HDX: variants seen among roughly 807,000 people sequenced by gnomAD.
HDX encodes highly divergent homeobox.
HDX carries 19 observed loss-of-function variants against 45.2 expected under a neutral mutation model. The observed-to-expected ratio is 0.42, with a 90% CI of 0.29 to 0.62. The LOEUF is 0.62. Ranked by LOEUF, HDX falls within the 20% of genes least tolerant of loss-of-function variation. HDX has a pLI of 0.20. For missense variants in HDX, 532 were observed against 493.9 expected (o/e 1.08, Z -0.73); for synonymous variants, 188 against 172.8 (o/e 1.09, Z -0.69).
intron 5 of HDX, among the ~76,000 whole-genome samples, chrX:84,378,220 C>T (rs1031500377): frequency 1.8e-5 from 2 of 111,631 alleles, no homozygotes; most frequent in African/African-American, 6.5e-5. Flanking sequence ...CTGAGGGTTT[C>T]ATTAACGCGA....
chrX:84,495,396 G>A (rs2040979885), intron 1 of HDX, among the ~76,000 whole-genome samples: 1 of 111,172 alleles, frequency 9.0e-6, no homozygotes, highest in South Asian at 3.7e-4. Flanking sequence ...TTTGTTATTA[G>A]CTTGATTTAG....
chrX:84,390,642 T>A (rs2038419538), intron 5 of HDX, among the ~76,000 whole-genome samples: 1 of 112,111 alleles, frequency 8.9e-6, no homozygotes. Context: ...AATATTCAGC[T>A]GTCATTATTC....
chrX:84,366,210 T>A (rs926061005), intron 5 of HDX, among the ~76,000 whole-genome samples: 1 of 111,403 alleles, frequency 9.0e-6, no homozygotes, highest in Admixed American at 9.5e-5. Flanking sequence ...GAGACCCAAA[T>A]CATGAGTGAA....
intron 9 of HDX, among the ~76,000 whole-genome samples, chrX:84,327,775 A>T (rs1302237279): frequency 9.0e-6 from 1 of 110,977 alleles, no homozygotes; most frequent in Admixed American, 9.6e-5. Context: ...ATGGAACTTT[A>T]AAAAAAAGAA....
At chrX:84,403,159 T>C (rs2038743814) in intron 5 of HDX, among the ~76,000 whole-genome samples, 2 of 111,198 alleles carry the variant, frequency 1.8e-5, no homozygotes, top group Non-Finnish European at 3.8e-5. Flanking sequence ...TAGAATATAG[T>C]ATATACTATT....
intron 7 of HDX, among the ~76,000 whole-genome samples, chrX:84,342,950 G>A (rs1380377780): frequency 1.8e-5 from 2 of 111,508 alleles, no homozygotes; most frequent in African/African-American, 6.5e-5. Context: ...TCTAAACAGA[G>A]TTCAATGAAA....
At chrX:84,434,074 G>C (rs754103642) in intron 5 of HDX, among the ~76,000 whole-genome samples, 1 of 111,244 alleles carries the variant, frequency 9.0e-6, no homozygotes, top group Non-Finnish European at 1.9e-5. Flanking sequence ...AGTTTTAAGA[G>C]TTTTGTGTTT....
chrX:84,495,125 T>C (rs769921918), intron 1 of HDX, among the ~76,000 whole-genome samples: 38 of 108,977 alleles, frequency 3.5e-4, no homozygotes, highest in Non-Finnish European at 6.9e-4. Context: ...ATCTCACATA[T>C]GTGGAATCTA....
At chrX:84,486,785 T>TCAA in intron 2 of HDX, among the ~76,000 whole-genome samples, 1 of 111,258 alleles carries the variant, frequency 9.0e-6, no homozygotes, top group East Asian at 2.8e-4. Context: ...CCTTTGGCTT[T>TCAA]CAACAGTTTG....
At chrX:84,349,537 AT>A (rs2037287770) in intron 6 of HDX, among the ~76,000 whole-genome samples, 13 of 97,666 alleles carry the variant, frequency 1.3e-4, no homozygotes, top group African/African-American at 4.9e-4. Context: ...ATATATATAT[AT>A]ACACACATAC....
At chrX:84,447,933 T>A (rs867050970) in intron 4 of HDX, among the ~76,000 whole-genome samples, 2 of 110,992 alleles carry the variant, frequency 1.8e-5, no homozygotes, top group Non-Finnish European at 3.8e-5. Context: ...AATCTCACCC[T>A]CCCCAGTAGC....
At chrX:84,418,067 A>G (rs2039156463) in intron 5 of HDX, among the ~76,000 whole-genome samples, 1 of 112,090 alleles carries the variant, frequency 8.9e-6, no homozygotes, top group Admixed American at 9.4e-5. Flanking sequence ...GTTAGAAACA[A>G]AAATTCTGAA....
At chrX:84,476,817 A>C (rs1053777257) in intron 2 of HDX, among the ~76,000 whole-genome samples, 1 of 111,746 alleles carries the variant, frequency 8.9e-6, no homozygotes, top group African/African-American at 3.3e-5. Flanking sequence ...TCTTGTCCGC[A>C]CAAGCATCTA....
At chrX:84,326,959 C>T (rs944208110) in intron 9 of HDX, among the ~76,000 whole-genome samples, 4 of 109,785 alleles carry the variant, frequency 3.6e-5, no homozygotes, top group Non-Finnish European at 5.7e-5. Flanking sequence ...TCCAATTAAC[C>T]CAAAGAGCAA....
intron 5 of HDX, among the ~76,000 whole-genome samples, chrX:84,380,493 G>T (rs1273574028): frequency 1.8e-5 from 2 of 110,677 alleles, no homozygotes; most frequent in African/African-American, 6.5e-5. Flanking sequence ...CTAGCAAAGA[G>T]AATTCAACCA....
intron 9 of HDX, among the ~76,000 whole-genome samples, chrX:84,328,066 C>T (rs1015249835): frequency 9.0e-6 from 1 of 111,137 alleles, no homozygotes; most frequent in Non-Finnish European, 1.9e-5. Flanking sequence ...GATCCTCCCA[C>T]ATCAGTCTCC....
At chrX:84,335,841 G>A (rs1262956560) in intron 8 of HDX, among the ~76,000 whole-genome samples, 2 of 110,529 alleles carry the variant, frequency 1.8e-5, no homozygotes, top group Non-Finnish European at 3.8e-5. Flanking sequence ...TCTGCTTGTA[G>A]AAAACACTGT....
chrX:84,480,110 A>AG (rs956460769), intron 2 of HDX, among the ~76,000 whole-genome samples: 1 of 111,397 alleles, frequency 9.0e-6, no homozygotes, highest in African/African-American at 3.3e-5. Flanking sequence ...TTTCTGTTTT[A>AG]GGGGGGTTAT....
intron 5 of HDX, among the ~76,000 whole-genome samples, chrX:84,376,026 A>G (rs1201339634): frequency 8.9e-6 from 1 of 112,577 alleles, no homozygotes; most frequent in African/African-American, 3.2e-5. Flanking sequence ...GGCTCGACTG[A>G]TCATCCCCCT....
Sources: allele counts gnomAD v4.1 joint callset (sites outside exome capture counted in the v4.1 genomes callset), GRCh38; gene constraint gnomAD v4.1.1; transcripts MANE v1.5; gene names NCBI Gene and HGNC (gene_info 2026-07-23, HGNC 2026-07-21).